The following DLST variants were observed in gnomAD, a reference collection of about 807,000 sequenced individuals.
DLST encodes the protein dihydrolipoyllysine-residue succinyltransferase component of 2-oxoglutarate dehydrogenase complex, mitochondrial.
DLST carries 17 observed loss-of-function variants against 53.1 expected under a neutral mutation model. That is an observed-to-expected ratio of 0.32 (90% CI 0.22 to 0.48). The LOEUF (loss-of-function observed/expected upper bound fraction) is 0.48, where lower values mean the gene tolerates loss of function less well. Ranked by LOEUF, DLST falls within the 20% of genes least tolerant of loss-of-function variation. The pLI is 0.99. For synonymous variants in DLST, 206 were observed against 204.8 expected, an observed-to-expected ratio of 1.01 and a Z score of -0.05; for missense variants, 512 against 583.9, an observed-to-expected ratio of 0.88 and a Z score of 1.27.
intron 8 of DLST, 30 bp from the exon 9 acceptor site, chr14:74,893,317 TG>T: frequency 6.2e-7 from 1 of 1,613,150 alleles, no homozygotes; most frequent in Non-Finnish European, 8.5e-7. Flanking sequence ...TTTCCTTGTC[TG>T]ATGCAGCTTT....
intron 2 of DLST, 100 bp from the exon 3 acceptor site, chr14:74,885,486 C>A: frequency 8.4e-7 from 1 of 1,191,720 alleles, no homozygotes; most frequent in Non-Finnish European, 1.3e-6. Context: ...GTTGATCCTG[C>A]TCTGTCTCAG....
rs777862159 is a variant in DLST, at chr14:74,882,603, C to G, written c.76C>G (p.Leu26Val). The change falls in exon 2 of 15, where the codon CTA becomes GTA. Residue 26 changes from leucine to valine, a missense_variant. This residue lies in a region of DLST where 129 missense variants were observed against 90.9 expected (regional missense o/e 1.42). Transcript: ENST00000334220. ...LSAFQKGNCP[L>V]GRRSLPGVSL... ...TCTTTCTCAACAGGGGAACTGCCCT[C>G]TAGGGAGACGTTCCCTGCCTGGTAA... 3.7e-6 allele frequency: 6 copies of G among 1,613,906 alleles called. No individual in the cohort carries two copies. Among genetic ancestry groups the G allele is most frequent in the Non-Finnish European group, 4.2e-6 (5 of 1,179,946 alleles).
intron 10 of DLST, among the ~76,000 whole-genome samples, chr14:74,895,350 C>T (rs1044196211): frequency 1.3e-5 from 2 of 152,306 alleles, no homozygotes; most frequent in East Asian, 3.9e-4. Context: ...TGTTGACTTA[C>T]CTGTTTTCTT....
chr14:74,891,274 G>A (rs1215528040), intron 7 of DLST, 107 bp downstream of exon 7: 2 of 1,543,844 alleles, frequency 1.3e-6, no homozygotes, highest in East Asian at 2.4e-5. Flanking sequence ...TGTCATTCCA[G>A]CTGCCCTTAG....
chr14:74,892,008 GATT>G (rs1263511717), intron 7 of DLST: 2 of 325,566 alleles, frequency 6.1e-6, no homozygotes, highest in East Asian at 3.4e-4. Context: ...AAAGTTGTGA[GATT>G]ATTACTTGGC....
chr14:74,882,523 A>G, intron 1 of DLST, 68 bp from the exon 2 acceptor site: 1 of 1,518,692 alleles, frequency 6.6e-7, no homozygotes, highest in Non-Finnish European at 9.1e-7. Flanking sequence ...TTGAGCGTGT[A>G]CTTAAAAGAA....
rs956830281 is a variant in DLST, at chr14:74,899,297, C to T, written c.902-626C>T. ...GGCGGCTCTCAAAAGTTCTCGTGGC[C>T]TCTTTTTCACATTACATGCTTCCTC... On this transcript the variant is annotated intron_variant, in intron 11 of 14. Coordinates refer to ENST00000334220, the MANE Select transcript of DLST (RefSeq NM_001933.5). Among the ~76,000 whole-genome samples, 13 of 152,170 alleles carry T rather than the reference C, an allele frequency of 8.5e-5. 1 individual carries two copies. Among genetic ancestry groups the T allele is most frequent in the Admixed American group, 8.5e-4 (13 of 15,278 alleles).
intron 10 of DLST, among the ~76,000 whole-genome samples, chr14:74,897,469 A>C (rs1345504791): frequency 6.6e-6 from 1 of 152,126 alleles, no homozygotes; most frequent in Non-Finnish European, 1.5e-5. Flanking sequence ...TTTCTCACTA[A>C]CTCTGCAATG....
chr14:74,889,844 A>C, intron 5 of DLST, 53 bp from the exon 6 acceptor site: 1 of 1,595,890 alleles, frequency 6.3e-7, no homozygotes, highest in Non-Finnish European at 8.6e-7. Flanking sequence ...TTTTGTGGCT[A>C]CTGGAGGCTC....
chr14:74,899,165 C>T (rs1884164281), intron 11 of DLST, among the ~76,000 whole-genome samples: 1 of 152,050 alleles, frequency 6.6e-6, no homozygotes, highest in Admixed American at 6.6e-5. Context: ...AGAAGGCCAT[C>T]TTTGTTTTGC....
chr14:74,892,230 A>G (rs1883934226), intron 7 of DLST, among the ~76,000 whole-genome samples: 1 of 152,178 alleles, frequency 6.6e-6, no homozygotes, highest in African/African-American at 2.4e-5. Flanking sequence ...CTATGGGCAC[A>G]TGCCACCACG....
intron 13 of DLST, among the ~76,000 whole-genome samples, chr14:74,900,748 A>G (rs1418930925): frequency 1.3e-5 from 2 of 152,210 alleles, no homozygotes; most frequent in Non-Finnish European, 2.9e-5. Flanking sequence ...TTTTAGAGGC[A>G]GGGTCTCGCT....
chr14:74,885,849 C>T lies in DLST; in HGVS notation c.146+215C>T, dbSNP rs114930449. ...TCAGGTTTTGGACTGGGAGTGTGCCCACTCTCCACAGGTGTTTGGATTATA... is the reference window on the plus strand; with the variant it reads ...TCAGGTTTTGGACTGGGAGTGTGCCTACTCTCCACAGGTGTTTGGATTATA... On this transcript the variant is annotated intron_variant, in intron 3 of 14. Transcript: ENST00000334220. 1.0e-3 allele frequency: 526 copies of T among 523,948 alleles called. 5 individuals are homozygous for T. The highest frequency in any genetic ancestry group is 9.8e-3 in the African/African-American group (491 of 50,306). 32.5% of individuals were successfully genotyped at this position (523,948 alleles called of 1,614,324 possible). A position where few individuals can be genotyped will look rare whatever the true frequency, so the allele number is the denominator to read the frequency against.
At chr14:74,893,209 AT>A in intron 8 of DLST, 138 bp from the exon 9 acceptor site, 1 of 1,084,848 alleles carries the variant, frequency 9.2e-7, no homozygotes, top group South Asian at 1.5e-5. Flanking sequence ...CAGATTGTTC[AT>A]CTGTGAAGTT....
Position 74,893,565 on chromosome 14 carries a change from T to C in DLST, c.672+141T>C. 3 of 836,700 alleles carry C rather than the reference T, an allele frequency of 3.6e-6. No individual in the cohort carries two copies. The South Asian group carries it at 4.8e-5, about 13-fold the overall frequency. 51.8% of individuals were successfully genotyped at this position (836,700 alleles called of 1,614,324 possible). ...GATAAAGGGAGTTTAGGATATAACT[T>C]CTTCATAGTCACATAACCATCAAAT... On this transcript the variant is annotated intron_variant, in intron 9 of 14. Transcript: ENST00000334220.
rs759849044 is a variant in DLST at position 74,882,632 on chromosome 14, C to T, written c.97+8C>T. 6.2e-7 allele frequency: 1 copy of T among 1,613,626 alleles called. No homozygotes were observed. Among genetic ancestry groups the T allele is most frequent in the East Asian group, 2.2e-5 (1 of 44,884 alleles). The stretch of plus-strand genomic sequence containing the variant: ...GGAGACGTTCCCTGCCTGGTAAGTT[C>T]TGCCCTTACCGTCACCTAAAATGCT... On this transcript the variant is annotated splice_region_variant and intron_variant, in intron 2 of 14. Transcript: ENST00000334220.
intron 1 of DLST, 116 bp downstream of exon 1, chr14:74,882,132 G>A: frequency 1.0e-6 from 1 of 981,478 alleles, no homozygotes; most frequent in Non-Finnish European, 1.3e-6. Flanking sequence ...AGGGCACTGG[G>A]ACGCGGAGGC....
At position 74,898,464 on chromosome 14, in the gene DLST, C is replaced by T; in HGVS notation, c.866C>T (p.Ala289Val). 1 of 1,614,158 alleles carries T rather than the reference C, an allele frequency of 6.2e-7. No individual in the cohort carries two copies. Among genetic ancestry groups the T allele is most frequent in the South Asian group, 1.1e-5 (1 of 91,076 alleles). The change falls in exon 11 of 15, where the codon GCC becomes GTC. Residue 289 changes from alanine (A) to valine (V), a missense_variant. Transcript: ENST00000334220. ...GFMSAFVKAS[A>V]FALQEQPVVN... The stretch of plus-strand genomic sequence containing the variant: ...ATGTCGGCATTTGTGAAGGCCTCAG[C>T]CTTTGCCTTGCAGGAACAGCCTGTT...
intron 2 of DLST, among the ~76,000 whole-genome samples, chr14:74,884,813 G>A (rs996192613): frequency 6.6e-6 from 1 of 152,180 alleles, no homozygotes; most frequent in African/African-American, 2.4e-5. Context: ...CATTTGGTGT[G>A]TCCTGAGCCC....
Sources: gnomAD v4.1 joint callset for allele counts (sites outside exome capture counted in the v4.1 genomes callset) on GRCh38, gnomAD v4.1.1 for gene constraint, gnomAD v4.1.1 regional missense constraint, MANE v1.5 for transcripts, NCBI Gene and HGNC (gene_info 2026-07-23, HGNC 2026-07-21) for gene names.